The following ACAD11 variants were observed in gnomAD, a reference collection of about 807,000 sequenced individuals.
ACAD11 encodes acyl-Coenzyme A dehydrogenase family, member 11.
ACAD11 carries 83 observed loss-of-function variants against 102.2 expected under a neutral mutation model. That is an observed-to-expected ratio of 0.81 (90% CI 0.68 to 0.97). The LOEUF (loss-of-function observed/expected upper bound fraction) is 0.97, where lower values mean the gene tolerates loss of function less well. Ranked by LOEUF, ACAD11 falls within the 50% of genes least tolerant of loss-of-function variation. ACAD11 has a pLI of 0.00. For missense variants in ACAD11, 901 were observed against 951.7 expected (o/e 0.95, Z 0.70); for synonymous variants, 324 against 319.8 (o/e 1.01, Z -0.14).
intron 15 of ACAD11, among the ~76,000 whole-genome samples, chr3:132,577,937 A>G (rs1937546605): frequency 6.6e-6 from 1 of 152,126 alleles, no homozygotes; most frequent in Non-Finnish European, 1.5e-5. Flanking sequence ...TGCTCATCCC[A>G]TCTTGCCACC....
intron 9 of ACAD11, among the ~76,000 whole-genome samples, chr3:132,624,418 A>C (rs1939728765): frequency 6.6e-6 from 1 of 151,580 alleles, no homozygotes; most frequent in Non-Finnish European, 1.5e-5. Flanking sequence ...CAGCCTGGCC[A>C]ATATGGTGAA....
chr3:132,658,019 G>A (rs1351628937), intron 1 of ACAD11, among the ~76,000 whole-genome samples: 5 of 151,736 alleles, frequency 3.3e-5, no homozygotes, highest in African/African-American at 4.8e-5. Context: ...GTGCCACCAC[G>A]CCCGGCTAAT....
intron 1 of ACAD11, 64 bp downstream of exon 1, chr3:132,659,539 C>G: frequency 6.2e-7 from 1 of 1,601,726 alleles, no homozygotes; most frequent in Non-Finnish European, 8.5e-7. Context: ...CCACCCAGGG[C>G]CAAAGGAAGG....
intron 13 of ACAD11, chr3:132,597,337 T>C (rs1434676094): frequency 5.9e-4 from 90 of 152,266 alleles, no homozygotes; most frequent in Non-Finnish European, 1.5e-5. Context: ...GGTACTTTAT[T>C]TCTTTTCTTA....
chr3:132,616,162 T>C (rs1939400925), intron 11 of ACAD11, among the ~76,000 whole-genome samples: 1 of 152,216 alleles, frequency 6.6e-6, no homozygotes, highest in Non-Finnish European at 1.5e-5. Flanking sequence ...TATTTATAGT[T>C]GTACACAACT....
At chr3:132,632,438 T>A (rs926128897) in intron 5 of ACAD11, among the ~76,000 whole-genome samples, 1 of 152,196 alleles carries the variant, frequency 6.6e-6, no homozygotes, top group Non-Finnish European at 1.5e-5. Flanking sequence ...AAAAATCAAT[T>A]TGTAGAATAG....
At chr3:132,579,664 TAGAG>T (rs571077445) in intron 13 of ACAD11, 106 bp from the exon 14 acceptor site, 334 of 804,694 alleles carry the variant, frequency 4.2e-4, no homozygotes, top group African/African-American at 7.4e-4. Context: ...AGAAAACAAA[TAGAG>T]AGAACATTCC....
intron 13 of ACAD11, chr3:132,600,512 T>A (rs1444533864): frequency 1.2e-6 from 2 of 1,613,876 alleles, no homozygotes; most frequent in Non-Finnish European, 1.7e-6. Context: ...TGTCAGAGAA[T>A]TTGCAAAAGT....
At chr3:132,572,030 A>G (rs1937395688) in intron 17 of ACAD11, among the ~76,000 whole-genome samples, 1 of 152,046 alleles carries the variant, frequency 6.6e-6, no homozygotes, top group South Asian at 2.1e-4. Flanking sequence ...CTCTCTCACC[A>G]CTCCTATTCA....
At chr3:132,615,076 G>T in intron 11 of ACAD11, among the ~76,000 whole-genome samples, 1 of 152,228 alleles carries the variant, frequency 6.6e-6, no homozygotes, top group African/African-American at 2.4e-5. Context: ...ATGAAAAAAA[G>T]CTCATCATCA....
intron 13 of ACAD11, among the ~76,000 whole-genome samples, chr3:132,586,926 C>CTAAAA (rs1937863345): frequency 1.3e-5 from 2 of 152,100 alleles, no homozygotes; most frequent in African/African-American, 4.8e-5. Context: ...AACCCCGTCT[C>CTAAAA]TACTAAAAAT....
At chr3:132,641,096 G>A (rs1446106147) in intron 4 of ACAD11, among the ~76,000 whole-genome samples, 2 of 152,022 alleles carry the variant, frequency 1.3e-5, no homozygotes, top group East Asian at 3.9e-4. Context: ...TTCAGGTTTC[G>A]TGAATGACAT....
intron 7 of ACAD11, among the ~76,000 whole-genome samples, chr3:132,628,691 G>A (rs1448864633): frequency 6.6e-6 from 1 of 152,168 alleles, no homozygotes; most frequent in South Asian, 2.1e-4. Context: ...AATCAAACTT[G>A]CAAATGATCT....
At position 132,658,206 on chromosome 3, in the gene ACAD11, T is replaced by C. The variant is rs186309460; in HGVS notation, c.149+1397A>G. ...ATATAAAGATTGATTCTTTTGAGTT[T>C]CTGAGACTTCCTTCATGGCCTATGT... is the stretch of plus-strand genomic sequence containing the variant. On this transcript the variant is annotated intron_variant, in intron 1 of 19. Coordinates refer to ENST00000264990, the MANE Select transcript of ACAD11 (RefSeq NM_032169.5). 7.0e-4 allele frequency among the ~76,000 whole-genome samples: 106 copies of C among 152,296 alleles called. 1 individual carries two copies. The highest frequency in any genetic ancestry group is 2.0e-3 in the African/African-American group (83 of 41,564).
At chr3:132,590,807 CT>C (rs1417317923) in intron 13 of ACAD11, among the ~76,000 whole-genome samples, 1 of 152,126 alleles carries the variant, frequency 6.6e-6, no homozygotes, top group Non-Finnish European at 1.5e-5. Context: ...ATATATCTTC[CT>C]TTGAAAAGTT....
chr3:132,651,615 C>T (rs751552611), intron 1 of ACAD11, among the ~76,000 whole-genome samples: 2 of 152,216 alleles, frequency 1.3e-5, no homozygotes, highest in Non-Finnish European at 2.9e-5. Flanking sequence ...CAATACTTGA[C>T]CTACCATCCA....
intron 5 of ACAD11, among the ~76,000 whole-genome samples, chr3:132,634,910 TG>T (rs1263009920): frequency 2.8e-4 from 3 of 10,640 alleles, no homozygotes; most frequent in East Asian, 6.2e-3. Context: ...TGTTGTGGGG[TG>T]GGGGGGTGGG....
At chr3:132,626,914 A>G (rs1247009268) in intron 8 of ACAD11, 97 bp from the exon 9 acceptor site, 1 of 1,222,494 alleles carries the variant, frequency 8.2e-7, no homozygotes, top group African/African-American at 1.5e-5. Context: ...CAGCTACCCA[A>G]AAAACATCCC....
chr3:132,581,944 A>G (rs1258424681), intron 13 of ACAD11, among the ~76,000 whole-genome samples: 1 of 152,050 alleles, frequency 6.6e-6, no homozygotes, highest in Admixed American at 6.6e-5. Context: ...TGGCTGCAAG[A>G]CAGAATATAA....
Sources: gnomAD v4.1 joint callset for allele counts (sites outside exome capture counted in the v4.1 genomes callset) on GRCh38, gnomAD v4.1.1 for gene constraint, MANE v1.5 for transcripts, NCBI Gene and HGNC (gene_info 2026-07-23, HGNC 2026-07-21) for gene names.